PRKD1: variants seen among roughly 807,000 people sequenced by gnomAD.
PRKD1 encodes the protein serine/threonine-protein kinase D1.
A neutral mutation model predicts 95.9 loss-of-function variants in PRKD1; 63 were observed. The ratio of observed to expected loss-of-function variants is 0.66; its 90% CI spans 0.54 to 0.81. The LOEUF is 0.81. PRKD1 is among the 30% of genes least tolerant of loss of function. PRKD1 has a pLI of 0.00. For synonymous variants in PRKD1, 425 were observed against 423.1 expected, an observed-to-expected ratio of 1.00 and a Z score of -0.05; for missense variants, 1,048 against 1,165.3, an observed-to-expected ratio of 0.90 and a Z score of 1.47.
chr14:29,724,165 C>T (rs771152571), intron 2 of PRKD1, among the ~76,000 whole-genome samples: 15 of 152,172 alleles, frequency 9.9e-5, no homozygotes, highest in Non-Finnish European at 2.2e-4. Context: ...AATCTGTCTG[C>T]TACTACTCTA....
chr14:29,645,293 C>T (rs959151362), intron 4 of PRKD1, among the ~76,000 whole-genome samples: 2 of 152,066 alleles, frequency 1.3e-5, no homozygotes, highest in Admixed American at 6.6e-5. Flanking sequence ...AGATTTCTAA[C>T]CAGCTTGTCT....
chr14:29,600,770 T>A (rs1011161246), intron 13 of PRKD1, among the ~76,000 whole-genome samples: 5 of 152,170 alleles, frequency 3.3e-5, no homozygotes, highest in African/African-American at 1.2e-4. Context: ...CTTGACACAT[T>A]AATTGCCACA....
chr14:29,871,245 A>T (rs1235133021), intron 1 of PRKD1, among the ~76,000 whole-genome samples: 1 of 152,274 alleles, frequency 6.6e-6, no homozygotes, highest in African/African-American at 2.4e-5. Context: ...CACGGAAAGT[A>T]GGAAATTAAA....
chr14:29,663,631 A>T, intron 4 of PRKD1, 68 bp downstream of exon 4: 1 of 1,551,728 alleles, frequency 6.4e-7, no homozygotes, highest in Non-Finnish European at 8.9e-7. Context: ...TCTTGGATTG[A>T]CATTGCTATC....
chr14:29,666,762 A>G (rs995796097), intron 2 of PRKD1, among the ~76,000 whole-genome samples: 5 of 152,108 alleles, frequency 3.3e-5, no homozygotes, highest in African/African-American at 1.2e-4. Context: ...ATAACTAAGC[A>G]TTTAAATCAT....
intron 1 of PRKD1, among the ~76,000 whole-genome samples, chr14:29,803,505 A>G (rs1890117105): frequency 6.6e-6 from 1 of 152,202 alleles, no homozygotes; most frequent in African/African-American, 2.4e-5. Context: ...GGTAACTCTG[A>G]AGGAGTAAAT....
intron 3 of PRKD1, among the ~76,000 whole-genome samples, chr14:29,665,731 T>TTGTATATATGTGTGTATA (rs1882454241): frequency 6.6e-6 from 1 of 152,018 alleles, no homozygotes; most frequent in Admixed American, 6.6e-5. Context: ...ATATACATGT[T>TTGTATATATGTGTGTATA]TGTATATATG....
chr14:29,760,262 T>A (rs1887913494), intron 1 of PRKD1, among the ~76,000 whole-genome samples: 1 of 152,176 alleles, frequency 6.6e-6, no homozygotes, highest in Non-Finnish European at 1.5e-5. Context: ...TCAATCCTGC[T>A]TGTACCACTG....
At chr14:29,621,602 T>C (rs562062022) in intron 13 of PRKD1, among the ~76,000 whole-genome samples, 1 of 152,254 alleles carries the variant, frequency 6.6e-6, no homozygotes, top group South Asian at 2.1e-4. Flanking sequence ...CATGACCCAT[T>C]GTACAGGTTA....
At chr14:29,818,572 T>G (rs1890782194) in intron 1 of PRKD1, among the ~76,000 whole-genome samples, 1 of 151,874 alleles carries the variant, frequency 6.6e-6, no homozygotes, top group Non-Finnish European at 1.5e-5. Flanking sequence ...GAATTCAATC[T>G]TCTTGGCATT....
chr14:29,712,605 T>C (rs566854357), intron 2 of PRKD1, among the ~76,000 whole-genome samples: 1 of 152,320 alleles, frequency 6.6e-6, no homozygotes, highest in African/African-American at 2.4e-5. Flanking sequence ...TATAGATGTC[T>C]TGAATGTTAA....
intron 3 of PRKD1, 92 bp downstream of exon 3, chr14:29,665,985 A>G: frequency 5.1e-6 from 7 of 1,378,000 alleles, no homozygotes; most frequent in Non-Finnish European, 6.8e-6. Flanking sequence ...ATGGGCACTT[A>G]GCTTTTACGT....
At chr14:29,789,176 A>G (rs1002688222) in intron 1 of PRKD1, among the ~76,000 whole-genome samples, 6 of 152,110 alleles carry the variant, frequency 3.9e-5, no homozygotes, top group African/African-American at 1.2e-4. Context: ...ATGAGCCACC[A>G]TGCCTAGCCT....
At chr14:29,589,334 G>C (rs1336083309) in intron 16 of PRKD1, among the ~76,000 whole-genome samples, 1 of 152,126 alleles carries the variant, frequency 6.6e-6, no homozygotes, top group Non-Finnish European at 1.5e-5. Flanking sequence ...TATATCGCTT[G>C]GTTATCTGTG....
intron 13 of PRKD1, among the ~76,000 whole-genome samples, chr14:29,622,655 C>T (rs543830169): frequency 5.9e-5 from 9 of 152,168 alleles, no homozygotes; most frequent in African/African-American, 1.9e-4. Context: ...CGCCCTCCTC[C>T]GCCTACCAAA....
chr14:29,750,264 T>C (rs924725678), intron 1 of PRKD1, among the ~76,000 whole-genome samples: 2 of 152,202 alleles, frequency 1.3e-5, no homozygotes, highest in African/African-American at 2.4e-5. Flanking sequence ...TTCAATGTCA[T>C]TGGTAGGTTC....
chr14:29,733,021 G>A (rs1200381272), intron 1 of PRKD1, among the ~76,000 whole-genome samples: 1 of 149,640 alleles, frequency 6.7e-6, no homozygotes, highest in Non-Finnish European at 1.5e-5. Context: ...TTTGTCTTTA[G>A]GGGAGGTTCA....
At chr14:29,593,976 G>A (rs1893214852) in intron 16 of PRKD1, 3 of 329,410 alleles carry the variant, frequency 9.1e-6, no homozygotes, top group Non-Finnish European at 1.8e-5. Flanking sequence ...AATGTATAGT[G>A]TAAAGAATGG....
At chr14:29,645,470 G>T (rs1881065811) in intron 4 of PRKD1, among the ~76,000 whole-genome samples, 1 of 152,128 alleles carries the variant, frequency 6.6e-6, no homozygotes, top group African/African-American at 2.4e-5. Context: ...ATAGATGCAA[G>T]CAAATGTTAA....
Sources: allele counts gnomAD v4.1 joint callset (sites outside exome capture counted in the v4.1 genomes callset), GRCh38; gene constraint gnomAD v4.1.1; transcripts MANE v1.5; gene names NCBI Gene and HGNC (gene_info 2026-07-23, HGNC 2026-07-21).